The following BCORL1 variants were observed in gnomAD, a reference collection of about 807,000 sequenced individuals.
BCORL1 encodes BCL-6 corepressor-like protein 1.
A neutral mutation model predicts 87.6 loss-of-function variants in BCORL1; 7 were observed. That is an observed-to-expected ratio of 0.08 (90% CI 0.05 to 0.15). The LOEUF (loss-of-function observed/expected upper bound fraction) is 0.15. Among genes scored for constraint, BCORL1 ranks in the 10% least tolerant of loss-of-function variants. The pLI is 1.00. For missense variants in BCORL1, 1,215 were observed against 1,499.7 expected (o/e 0.81, Z 3.13); for synonymous variants, 591 against 634.4 (o/e 0.93, Z 1.03).
chrX:129,995,216 G>A, intron 1 of BCORL1, among the ~76,000 whole-genome samples: 1 of 110,165 alleles, frequency 9.1e-6, no homozygotes, highest in Middle Eastern at 4.8e-3. Context: ...ATGTGGACCA[G>A]GATGGTCTCG....
chrX:130,023,692 A>G (rs5977191), intron 6 of BCORL1, among the ~76,000 whole-genome samples: 12,064 of 111,907 alleles, frequency 0.11, 1,609 homozygotes, highest in African/African-American at 0.37. Context: ...TGGAGGCCTT[A>G]CAAAATCCTG....
intron 6 of BCORL1, 144 bp from the exon 7 acceptor site, chrX:130,024,846 C>A: frequency 1.1e-6 from 1 of 892,622 alleles, no homozygotes; most frequent in Non-Finnish European, 1.6e-6. Flanking sequence ...ACTGAAGGAA[C>A]TTTCCCGAAC....
Position 130,015,022 on chromosome X carries a change from C to T in BCORL1, c.2250C>T (p.Pro750=). 1 of 1,211,794 alleles carries T rather than the reference C, an allele frequency of 8.3e-7. No individual in the cohort carries two copies. Among genetic ancestry groups the T allele is most frequent in the Non-Finnish European group, 1.1e-6 (1 of 895,555 alleles). The part of the protein sequence containing the change: ...RDPRHLPKQE[P]ISIIDQGEPK... ...CCCGCCATCTCCCCAAGCAGGAGCC[C>T]ATCTCCATCATTGATCAAGGAGAGC... Residue 750 remains proline, a synonymous_variant, in exon 4 of 14, where the codon CCC becomes CCT. Transcript: ENST00000540052.
At chrX:129,985,246 T>C (rs1926503002) in intron 1 of BCORL1, among the ~76,000 whole-genome samples, 1 of 112,147 alleles carries the variant, frequency 8.9e-6, no homozygotes, top group Non-Finnish European at 1.9e-5. Flanking sequence ...AGGTTGATTA[T>C]AAAATTTCAA....
intron 2 of BCORL1, among the ~76,000 whole-genome samples, chrX:130,006,035 T>C (rs1303569735): frequency 1.8e-5 from 2 of 111,751 alleles, no homozygotes; most frequent in Non-Finnish European, 3.8e-5. Context: ...GTTTTATTGT[T>C]CAGATTTCTA....
intron 4 of BCORL1, among the ~76,000 whole-genome samples, chrX:130,019,372 A>G (rs1187828504): frequency 8.9e-6 from 1 of 112,580 alleles, no homozygotes; most frequent in Non-Finnish European, 1.9e-5. Context: ...ACATGTTCAA[A>G]TGTATGTGCA....
At chrX:130,000,017 C>A (rs1301105158) in intron 1 of BCORL1, among the ~76,000 whole-genome samples, 3 of 109,105 alleles carry the variant, frequency 2.7e-5, no homozygotes, top group South Asian at 4.0e-4. Flanking sequence ...AAATGAGTAC[C>A]TGGGGTATCA....
chrX:129,989,021 T>C (rs749207673), intron 1 of BCORL1, among the ~76,000 whole-genome samples: 1 of 112,007 alleles, frequency 8.9e-6, no homozygotes, highest in East Asian at 2.8e-4. Context: ...GTACAGTGGT[T>C]CTCAAACTTG....
intron 4 of BCORL1, among the ~76,000 whole-genome samples, chrX:130,020,178 G>A (rs971739750): frequency 8.9e-6 from 1 of 112,456 alleles, no homozygotes; most frequent in African/African-American, 3.2e-5. Context: ...GGTTGGCCTG[G>A]TAAGTGGCAG....
intron 1 of BCORL1, among the ~76,000 whole-genome samples, chrX:129,995,260 C>T (rs963551340): frequency 4.7e-4 from 52 of 110,511 alleles, no homozygotes; most frequent in African/African-American, 1.7e-3. Flanking sequence ...CCTACCTTGG[C>T]CTCCCAAAGT....
At chrX:130,034,385 A>T in intron 8 of BCORL1, 70 bp from the exon 9 acceptor site, 2 of 795,701 alleles carry the variant, frequency 2.5e-6, no homozygotes, top group Non-Finnish European at 3.4e-6. Flanking sequence ...CACTGAGGGC[A>T]GTGATGACCC....
intron 2 of BCORL1, among the ~76,000 whole-genome samples, chrX:130,007,835 C>T (rs1928617401): frequency 8.9e-6 from 1 of 111,823 alleles, no homozygotes; most frequent in East Asian, 2.8e-4. Context: ...TAAAAGAGGC[C>T]AATAGACAAG....
chrX:130,054,868 G>T (rs886305135), intron 13 of BCORL1, among the ~76,000 whole-genome samples: 1 of 110,721 alleles, frequency 9.0e-6, no homozygotes, highest in Admixed American at 9.6e-5. Context: ...CCGAGATTGC[G>T]CCACTGCACT....
At chrX:130,006,005 C>A (rs1928462079) in intron 2 of BCORL1, among the ~76,000 whole-genome samples, 1 of 111,240 alleles carries the variant, frequency 9.0e-6, no homozygotes, top group South Asian at 3.8e-4. Context: ...AGTCTTTGAT[C>A]TAGGTCTGGA....
intron 4 of BCORL1, among the ~76,000 whole-genome samples, chrX:130,016,453 T>C (rs1929452153): frequency 8.9e-6 from 1 of 112,128 alleles, no homozygotes; most frequent in South Asian, 3.7e-4. Flanking sequence ...TTGTAGGATG[T>C]GGGAAATGAT....
chrX:130,003,227 C>T (rs1464636896), intron 1 of BCORL1, among the ~76,000 whole-genome samples: 7 of 111,057 alleles, frequency 6.3e-5, no homozygotes, highest in South Asian at 3.8e-4. Flanking sequence ...TACCTCATTC[C>T]GATGGTTTAA....
chrX:130,054,586 T>C (rs891965657), intron 13 of BCORL1, among the ~76,000 whole-genome samples: 3 of 110,199 alleles, frequency 2.7e-5, no homozygotes, highest in Admixed American at 9.8e-5. Context: ...TGGGTGGACA[T>C]TGGGCTGAAG....
Position 130,052,884 on chromosome X carries a change from G to C in BCORL1, c.5075+868G>C, listed in dbSNP as rs1932150716. On this transcript the variant is annotated intron_variant, in intron 13 of 13. Coordinates refer to ENST00000540052, the MANE Select transcript of BCORL1 (RefSeq NM_001379451.1). ...GAACCAGTGGCTGGTCGCAGCAGTTGTAATTTCAGCACTTTGGGAGGCCGA... is the reference window on the plus strand; with the variant it reads ...GAACCAGTGGCTGGTCGCAGCAGTTCTAATTTCAGCACTTTGGGAGGCCGA... Among the ~76,000 whole-genome samples the C allele has an allele frequency of 2.7e-5, 3 of 112,786 alleles. No individual in the cohort carries two copies. In the South Asian group the frequency reaches 1.1e-3, roughly 40 times the overall value.
intron 7 of BCORL1, among the ~76,000 whole-genome samples, chrX:130,027,847 G>C (rs760484289): frequency 8.9e-6 from 1 of 112,155 alleles, no homozygotes; most frequent in Non-Finnish European, 1.9e-5. Context: ...CTAATCTTGA[G>C]AGATGAGGTT....
Sources: allele counts gnomAD v4.1 joint callset (sites outside exome capture counted in the v4.1 genomes callset), GRCh38; gene constraint gnomAD v4.1.1; transcripts MANE v1.5; gene names NCBI Gene and HGNC (gene_info 2026-07-23, HGNC 2026-07-21).